KIF2B: variants seen among roughly 807,000 people sequenced by gnomAD.
KIF2B encodes the protein kinesin family member 2B.
Under a neutral mutation model 6.8 loss-of-function variants are expected in KIF2B, and 5 were observed. The observed-to-expected ratio is 0.74, with a 90% CI of 0.39 to 1.55. The LOEUF (loss-of-function observed/expected upper bound fraction) is 1.55. Among genes scored for constraint, KIF2B ranks in the 40% most tolerant of loss-of-function variants. The pLI, the probability that KIF2B is intolerant of heterozygous loss-of-function variation, is 0.03. For missense variants in KIF2B, 908 were observed against 831.3 expected, an observed-to-expected ratio of 1.09 and a Z score of -1.13; for synonymous variants, 370 against 330.7, an observed-to-expected ratio of 1.12 and a Z score of -1.29.
At position 53,823,657 on chromosome 17, in the gene KIF2B, C is replaced by A. The variant is rs765496103; in HGVS notation, c.624C>A (p.Pro208=). Residue 208 remains proline (P), a synonymous_variant, in exon 1 of 1, where the codon CCC becomes CCA. Transcript: ENST00000268919. ...GCAGCAAGATCTCAGTCCTGGAGCC[C>A]CCGCAAGAACATCGCATCTGCGTCT... ...LDSSKISVLE[P]PQEHRICVCV... is the part of the protein sequence containing the mutation. 2 of 1,613,992 alleles carry A rather than the reference C, an allele frequency of 1.2e-6. No individual in the cohort carries two copies. The highest frequency in any genetic ancestry group is 1.7e-6 in the Non-Finnish European group (2 of 1,180,040).
chr17:53,824,786 C>T lies in KIF2B; in HGVS notation c.1753C>T (p.Pro585Ser), dbSNP rs749285006. The change falls in exon 1 of 1, where the codon CCT (proline) becomes TCT (serine). Residue 585 changes from proline (P) to serine (S), a missense_variant. Coordinates refer to ENST00000268919, the MANE Select transcript of KIF2B (RefSeq NM_032559.5). ...SLQRDEFIKI[P>S]YVQSEEQKEI... ...TCAGAGGGATGAATTTATTAAAATA[C>T]CTTATGTACAGAGTGAGGAGCAGAA... is the stretch of plus-strand genomic sequence containing the variant. 9 of 1,613,976 alleles carry T rather than the reference C, an allele frequency of 5.6e-6. No homozygotes were observed. In the East Asian group the frequency reaches 1.3e-4, roughly 24 times the overall value.
chr17:53,823,700 C>T lies in KIF2B; in HGVS notation c.667C>T (p.Leu223Phe), dbSNP rs768516608. 1 of 1,614,232 alleles carries T rather than the reference C, an allele frequency of 6.2e-7. No homozygotes were observed. Among genetic ancestry groups the T allele is most frequent in the Middle Eastern group, 1.6e-4 (1 of 6,062 alleles). The change falls in exon 1 of 1, where the codon CTC becomes TTC. Residue 223 changes from leucine to phenylalanine, a missense_variant. By Grantham distance (22) the Leu-to-Phe change is conservative. Transcript: ENST00000268919. ...RICVCVRKRPLNQRETTLKDL... is the reference protein window; with the variant it reads ...RICVCVRKRPFNQRETTLKDL... ...CTGCGTCTGCGTGAGGAAGCGGCCTCTCAACCAGCGAGAGACAACCTTAAA... is the reference window on the plus strand; with the variant it reads ...CTGCGTCTGCGTGAGGAAGCGGCCTTTCAACCAGCGAGAGACAACCTTAAA...
Position 53,823,127 on chromosome 17 carries a change from G to T in KIF2B, c.94G>T (p.Val32Leu), listed in dbSNP as rs761182386. The T allele has an allele frequency of 6.2e-7, 1 of 1,614,158 alleles. No individual in the cohort carries two copies. The highest frequency in any genetic ancestry group is 1.7e-5 in the Admixed American group (1 of 60,028). ...CGGAGACATCCAAGAGGGCATCTACGTGGCGATCCAGCGCAGTGACAAGCG... is the reference window on the plus strand; with the variant it reads ...CGGAGACATCCAAGAGGGCATCTACTTGGCGATCCAGCGCAGTGACAAGCG... ...HFGDIQEGIY[V>L]AIQRSDKRIH... The change falls in exon 1 of 1, where the codon GTG (valine) becomes TTG (leucine). Residue 32 changes from valine to leucine, a missense_variant. Transcript: ENST00000268919.
rs376639270 is a variant in KIF2B at position 53,823,531 on chromosome 17, G to A, written c.498G>A (p.Leu166=). 332 of 1,613,772 alleles carry A rather than the reference G, an allele frequency of 2.1e-4. No homozygotes were observed. The highest frequency in any genetic ancestry group is 4.2e-4 in the Admixed American group (25 of 60,016). Residue 166 remains leucine, a synonymous_variant, in exon 1 of 1, where the codon CTG becomes CTA. Transcript: ENST00000268919. ...LQEQREKRRR[L]QQEIRARRAL... is the part of the protein sequence containing the mutation. ...AGCAGCGGGAAAAGCGCAGGCGGCTGCAGCAGGAGATCCGAGCTAGACGCG... is the reference window on the plus strand; with the variant it reads ...AGCAGCGGGAAAAGCGCAGGCGGCTACAGCAGGAGATCCGAGCTAGACGCG...
At position 53,823,511 on chromosome 17, in the gene KIF2B, C is replaced by A. The variant is rs181862662; in HGVS notation, c.478C>A (p.Arg160=). Residue 160 remains arginine (R), a synonymous_variant, in exon 1 of 1, where the codon CGG becomes AGG. Coordinates refer to ENST00000268919, the MANE Select transcript of KIF2B (RefSeq NM_032559.5). ...LWEIQKLQEQ[R]EKRRRLQQEI... ...GGAAATCCAGAAACTGCAGGAGCAG[C>A]GGGAAAAGCGCAGGCGGCTGCAGCA... 6.2e-7 allele frequency: 1 copy of A among 1,613,940 alleles called. No individual in the cohort carries two copies. Among genetic ancestry groups the A allele is most frequent in the East Asian group, 2.2e-5 (1 of 44,868 alleles).
rs1330576687 is a variant in KIF2B, at chr17:53,824,537, G to A, written c.1504G>A (p.Val502Met). The A allele has an allele frequency of 6.2e-7, 1 of 1,614,102 alleles. No homozygotes were observed. Among genetic ancestry groups the A allele is most frequent in the Admixed American group, 1.7e-5 (1 of 60,016 alleles). ...ATTCAGAGCCAGCAAACTCACACTG[G>A]TGCTCCGGGACTCCTTTATAGGCCA... ...TPFRASKLTL[V>M]LRDSFIGQNS... The change falls in exon 1 of 1, where the codon GTG becomes ATG. Residue 502 changes from valine to methionine, a missense_variant. Physicochemically the swap from Val to Met is conservative, Grantham distance 21. Coordinates refer to ENST00000268919, the MANE Select transcript of KIF2B (RefSeq NM_032559.5).
rs776230670 is a variant in KIF2B, at chr17:53,823,508, C to A, written c.475C>A (p.Gln159Lys). Residue 159 changes from glutamine (Q) to lysine (K), a missense_variant, in exon 1 of 1, where the codon CAG becomes AAG. Gln to Lys is a moderately conservative substitution (Grantham distance 53). Transcript: ENST00000268919. ...CLWEIQKLQE[Q>K]REKRRRLQQE... ...CTGGGAAATCCAGAAACTGCAGGAG[C>A]AGCGGGAAAAGCGCAGGCGGCTGCA... is the stretch of plus-strand genomic sequence containing the variant. The A allele has an allele frequency of 1.2e-6, 2 of 1,614,036 alleles. No individual in the cohort carries two copies. The highest frequency in any genetic ancestry group is 4.5e-5 in the East Asian group (2 of 44,868).
Position 53,824,071 on chromosome 17 carries a change from G to A in KIF2B, c.1038G>A (p.Glu346=), listed in dbSNP as rs756419031. ...TCCTGCTCAGAAACTCCACATATGA[G>A]AAGCTGGACCTCAAAGTCTATGGGA... ...VFLLLRNSTY[E]KLDLKVYGTF... is the part of the protein sequence containing the mutation. Residue 346 remains glutamate (E), a synonymous_variant, in exon 1 of 1, where the codon GAG becomes GAA. Coordinates refer to ENST00000268919, the MANE Select transcript of KIF2B (RefSeq NM_032559.5). 6.2e-7 allele frequency: 1 copy of A among 1,614,238 alleles called. No homozygotes were observed.
In KIF2B at chr17:53,823,008, G is replaced by T; in HGVS notation, c.-26G>T. The stretch of plus-strand genomic sequence containing the variant: ...GCTCCAACCCCAAGGGCCCTGGAGC[G>T]CTCCCTGATACCTCCATCACTCACC... On this transcript the variant is annotated 5_prime_UTR_variant, in exon 1 of 1. Transcript: ENST00000268919. The T allele has an allele frequency of 6.3e-7, 1 of 1,593,058 alleles. No homozygotes were observed. The highest frequency in any genetic ancestry group is 2.2e-5 in the East Asian group (1 of 44,588).
At position 53,824,972 on chromosome 17, in the gene KIF2B, C is replaced by G. The variant is rs765420727; in HGVS notation, c.1939C>G (p.Gln647Glu). Residue 647 changes from glutamine to glutamate, a missense_variant, in exon 1 of 1, where the codon CAG (glutamine) becomes GAG (glutamate). Coordinates refer to ENST00000268919, the MANE Select transcript of KIF2B (RefSeq NM_032559.5). ...CIARSLSILE[Q>E]KIDALTEIQK... ...TGCCCGGTCTTTGTCCATTTTGGAG[C>G]AGAAAATTGATGCTCTGACCGAGAT... is the stretch of plus-strand genomic sequence containing the variant. The G allele has an allele frequency of 6.2e-7, 1 of 1,614,016 alleles. No homozygotes were observed. Among genetic ancestry groups the G allele is most frequent in the Non-Finnish European group, 8.5e-7 (1 of 1,179,994 alleles).
Position 53,824,985 on chromosome 17 carries a change from C to A in KIF2B, c.1952C>A (p.Ala651Asp), listed in dbSNP as rs2143787951. The A allele has an allele frequency of 6.2e-7, 1 of 1,614,068 alleles. No homozygotes were observed. Among genetic ancestry groups the A allele is most frequent in the African/African-American group, 1.3e-5 (1 of 75,030 alleles). The change falls in exon 1 of 1, where the codon GCT becomes GAT. Residue 651 changes from alanine to aspartate, a missense_variant. Physicochemically the swap from Ala to Asp is moderately radical, Grantham distance 126. Transcript: ENST00000268919. ...SLSILEQKID[A>D]LTEIQKKLKL... ...TCCATTTTGGAGCAGAAAATTGATG[C>A]TCTGACCGAGATCCAAAAGAAACTG...
chr17:53,823,962 C>T lies in KIF2B; in HGVS notation c.929C>T (p.Thr310Met), dbSNP rs1214581422. The change falls in exon 1 of 1, where the codon ACG (threonine) becomes ATG (methionine). Residue 310 changes from threonine (T) to methionine (M), a missense_variant. Physicochemically the swap from Thr to Met is moderately conservative, Grantham distance 81 (BLOSUM62 -1). Coordinates refer to ENST00000268919, the MANE Select transcript of KIF2B (RefSeq NM_032559.5). ...TATGGGCAGACGGGAAGTGGGAAGA[C>T]GTACACCATGGGTGGAGACTTTTCA... ...FAYGQTGSGKTYTMGGDFSGT... is the reference protein window; with the variant it reads ...FAYGQTGSGKMYTMGGDFSGT... 5 of 1,614,120 alleles carry T rather than the reference C, an allele frequency of 3.1e-6. No homozygotes were observed. The highest frequency in any genetic ancestry group is 2.2e-5 in the East Asian group (1 of 44,900).
At position 53,823,344 on chromosome 17, in the gene KIF2B, C is replaced by G. The variant is rs371085430; in HGVS notation, c.311C>G (p.Ser104Trp). The change falls in exon 1 of 1, where the codon TCG (serine) becomes TGG (tryptophan). Residue 104 changes from serine to tryptophan, a missense_variant. Physicochemically the swap from Ser to Trp is radical, Grantham distance 177 (BLOSUM62 -3). Coordinates refer to ENST00000268919, the MANE Select transcript of KIF2B (RefSeq NM_032559.5). The part of the protein sequence containing the change: ...PLSPLALAPS[S>W]AIRDQRTATK... Reference sequence around the variant, plus strand: ...TCCCCCTTGGCTCTGGCGCCCTCTTCGGCCATCAGGGACCAGCGTACCGCC... The same window carrying G: ...TCCCCCTTGGCTCTGGCGCCCTCTTGGGCCATCAGGGACCAGCGTACCGCC... 16 of 1,614,000 alleles carry G rather than the reference C, an allele frequency of 9.9e-6. No homozygotes were observed. In the East Asian group the frequency reaches 3.1e-4, roughly 31 times the overall value.
Position 53,825,048 on chromosome 17 carries a change from T to C in KIF2B, c.2015T>C (p.Val672Ala), listed in dbSNP as rs760584559. The part of the protein sequence containing the change: ...LLADLHVKSK[V>A]E ...GCTGACCTCCACGTGAAGAGCAAGG[T>C]AGAGTGAAGCCAATGGCGAGAGATC... Residue 672 changes from valine to alanine, a missense_variant, in exon 1 of 1, where the codon GTA becomes GCA. Transcript: ENST00000268919. 6.2e-7 allele frequency: 1 copy of C among 1,604,212 alleles called. No individual in the cohort carries two copies.
rs1374469943 is a variant in KIF2B at position 53,824,074 on chromosome 17, G to A, written c.1041G>A (p.Lys347=). The change falls in exon 1 of 1, where the codon AAG becomes AAA. Residue 347 remains lysine (K), a synonymous_variant. Transcript: ENST00000268919. Reference sequence around the variant, plus strand: ...TGCTCAGAAACTCCACATATGAGAAGCTGGACCTCAAAGTCTATGGGACAT... The same window carrying A: ...TGCTCAGAAACTCCACATATGAGAAACTGGACCTCAAAGTCTATGGGACAT... ...FLLLRNSTYE[K]LDLKVYGTFF... 6.2e-7 allele frequency: 1 copy of A among 1,614,096 alleles called. No individual in the cohort carries two copies. Among genetic ancestry groups the A allele is most frequent in the South Asian group, 1.1e-5 (1 of 91,094 alleles).
Position 53,825,126 on chromosome 17 carries a change from TG to T in KIF2B, c.*72del. The T allele has an allele frequency of 1.1e-6, 1 of 923,176 alleles. No homozygotes were observed. The highest frequency in any genetic ancestry group is 1.6e-5 in the South Asian group (1 of 61,036). The allele number at this position is 923,176 out of a possible 1,614,324, so 57.2% of individuals were successfully genotyped here. A position where few individuals can be genotyped will look rare whatever the true frequency, so the allele number is the denominator to read the frequency against. ...TTCCACCACTCTTATACAGGAAAAC[TG>T]TCCAAATTATCTAAAGATCCTCCTG... is the stretch of plus-strand genomic sequence containing the variant. On this transcript the variant is annotated 3_prime_UTR_variant, in exon 1 of 1. Coordinates refer to ENST00000268919, the MANE Select transcript of KIF2B (RefSeq NM_032559.5).
Position 53,824,423 on chromosome 17 carries a change from A to C in KIF2B, c.1390A>C (p.Arg464=), listed in dbSNP as rs1906507148. Residue 464 remains arginine (R), a synonymous_variant, in exon 1 of 1, where the codon AGG becomes CGG. Coordinates refer to ENST00000268919, the MANE Select transcript of KIF2B (RefSeq NM_032559.5). ...GADTTKASRK[R]QLEGAEINKS... ...AGATACAACCAAGGCCAGCCGGAAAAGGCAGCTGGAAGGGGCAGAGATTAA... is the reference window on the plus strand; with the variant it reads ...AGATACAACCAAGGCCAGCCGGAAACGGCAGCTGGAAGGGGCAGAGATTAA... 6.2e-7 allele frequency: 1 copy of C among 1,614,012 alleles called. No individual in the cohort carries two copies. Among genetic ancestry groups the C allele is most frequent in the Non-Finnish European group, 8.5e-7 (1 of 1,180,042 alleles).
In KIF2B at chr17:53,825,157, G is replaced by T; in HGVS notation, c.*102G>T. 1 of 759,334 alleles carries T rather than the reference G, an allele frequency of 1.3e-6. No homozygotes were observed. The allele number at this position is 759,334 out of a possible 1,614,324, so 47.0% of individuals were successfully genotyped here. On this transcript the variant is annotated 3_prime_UTR_variant, in exon 1 of 1. Transcript: ENST00000268919. ...AATTATCTAAAGATCCTCCTGAGAA[G>T]CTTAAAACATCTTAAAATACACTGA...
At position 53,824,849 on chromosome 17, in the gene KIF2B, G is replaced by T. The variant is rs752381198; in HGVS notation, c.1816G>T (p.Gly606Trp). The T allele has an allele frequency of 6.2e-7, 1 of 1,613,918 alleles. No homozygotes were observed. The highest frequency in any genetic ancestry group is 8.5e-7 in the Non-Finnish European group (1 of 1,179,962). The change falls in exon 1 of 1, where the codon GGG (glycine) becomes TGG (tryptophan). Residue 606 changes from glycine to tryptophan, a missense_variant. By Grantham distance (184) the Gly-to-Trp change is radical. Transcript: ENST00000268919. ...EEVETLPTLL[G>W]KDTTISGKGS... ...GGTTGAAACATTACCCACTCTGTTA[G>T]GGAAGGATACCACAATTTCAGGGAA...
Sources: allele counts gnomAD v4.1 joint callset, GRCh38; gene constraint gnomAD v4.1.1; transcripts MANE v1.5; gene names NCBI Gene and HGNC (gene_info 2026-07-23, HGNC 2026-07-21).